The following INPP4B variants were observed in gnomAD, a reference collection of about 807,000 sequenced individuals.
INPP4B encodes inositol polyphosphate 4-phosphatase type II.
A neutral mutation model predicts 122.5 loss-of-function variants in INPP4B; 55 were observed. That is an observed-to-expected ratio of 0.45 (90% CI 0.36 to 0.56). INPP4B has a LOEUF of 0.56. Among genes scored for constraint, INPP4B ranks in the 20% least tolerant of loss-of-function variants. INPP4B has a pLI of 0.00. For missense variants in INPP4B, 1,000 were observed against 1,097.7 expected, an observed-to-expected ratio of 0.91 and a Z score of 1.26; for synonymous variants, 403 against 388.7, an observed-to-expected ratio of 1.04 and a Z score of -0.43.
At chr4:142,117,422 T>C (rs572296338) in intron 21 of INPP4B, among the ~76,000 whole-genome samples, 8 of 152,288 alleles carry the variant, frequency 5.3e-5, no homozygotes, top group Admixed American at 5.2e-4. Flanking sequence ...AATAAAATAC[T>C]GGCAAACCGA....
intron 12 of INPP4B, among the ~76,000 whole-genome samples, chr4:142,222,669 T>C (rs1423852267): frequency 6.6e-6 from 1 of 152,214 alleles, no homozygotes; most frequent in African/African-American, 2.4e-5. Flanking sequence ...TCCTAACTAA[T>C]CTGAAGCCTG....
intron 2 of INPP4B, among the ~76,000 whole-genome samples, chr4:142,554,898 C>A (rs67311549): frequency 6.6e-6 from 1 of 151,976 alleles, no homozygotes; most frequent in Non-Finnish European, 1.5e-5. Flanking sequence ...TGAGCTTCAG[C>A]GGATGCTATT....
chr4:142,174,760 G>A (rs987948150), intron 15 of INPP4B, among the ~76,000 whole-genome samples: 7 of 151,792 alleles, frequency 4.6e-5, no homozygotes, highest in Non-Finnish European at 8.8e-5. Context: ...GAGTAGCTGG[G>A]ACTACAGGTA....
intron 11 of INPP4B, among the ~76,000 whole-genome samples, chr4:142,255,345 C>T (rs1735223791): frequency 6.6e-6 from 1 of 151,654 alleles, no homozygotes; most frequent in African/African-American, 2.4e-5. Flanking sequence ...ATCAAATTCA[C>T]ACATAACAAT....
chr4:142,322,707 T>A (rs772828238), intron 7 of INPP4B, among the ~76,000 whole-genome samples: 16 of 152,248 alleles, frequency 1.1e-4, no homozygotes, highest in Non-Finnish European at 1.8e-4. Flanking sequence ...GCAAGCCCAC[T>A]ACTATTTTAG....
chr4:142,092,140 G>A (rs897113350), intron 23 of INPP4B, among the ~76,000 whole-genome samples: 2 of 152,206 alleles, frequency 1.3e-5, no homozygotes, highest in African/African-American at 4.8e-5. Context: ...TGAAGCTCCT[G>A]AAGAGGAAAG....
At chr4:142,635,399 C>T (rs1021880844) in intron 2 of INPP4B, among the ~76,000 whole-genome samples, 2 of 152,178 alleles carry the variant, frequency 1.3e-5, no homozygotes, top group Non-Finnish European at 2.9e-5. Flanking sequence ...CATAAAGACA[C>T]ATGCACATTA....
intron 14 of INPP4B, among the ~76,000 whole-genome samples, chr4:142,193,565 T>G (rs1836898144): frequency 6.6e-6 from 1 of 152,096 alleles, no homozygotes. Context: ...ATGTTGAAAT[T>G]CAACAATAAC....
At chr4:142,260,710 A>G (rs1052937145) in intron 10 of INPP4B, 146 bp from the exon 11 acceptor site, 5 of 610,858 alleles carry the variant, frequency 8.2e-6, no homozygotes, top group Admixed American at 3.3e-5. Flanking sequence ...TTCTAGCTCT[A>G]TCTTTACTAC....
At chr4:142,782,288 C>T (rs1482940791) in intron 1 of INPP4B, among the ~76,000 whole-genome samples, 1 of 150,926 alleles carries the variant, frequency 6.6e-6, no homozygotes, top group Non-Finnish European at 1.5e-5. Context: ...CAATTTCATC[C>T]ATGTCCCTAC....
intron 10 of INPP4B, among the ~76,000 whole-genome samples, chr4:142,261,911 A>G (rs1214030685): frequency 6.6e-6 from 1 of 152,176 alleles, no homozygotes; most frequent in Admixed American, 6.6e-5. Flanking sequence ...TTGAGGTCCT[A>G]GTTGACTGAA....
At chr4:142,448,211 T>C (rs978206918) in intron 3 of INPP4B, among the ~76,000 whole-genome samples, 2 of 151,804 alleles carry the variant, frequency 1.3e-5, no homozygotes, top group Admixed American at 1.3e-4. Context: ...TGCGGGCTGA[T>C]GTCCAGGCAT....
chr4:142,576,108 G>T (rs530932161), intron 2 of INPP4B, among the ~76,000 whole-genome samples: 1 of 151,854 alleles, frequency 6.6e-6, no homozygotes, highest in Non-Finnish European at 1.5e-5. Context: ...TATCTACCTG[G>T]GGCTGATTCA....
intron 7 of INPP4B, among the ~76,000 whole-genome samples, chr4:142,358,542 C>T (rs1318379257): frequency 6.7e-6 from 1 of 150,330 alleles, no homozygotes; most frequent in African/African-American, 2.4e-5. Flanking sequence ...AATTTAGCTG[C>T]ATATTAGAAT....
At chr4:142,061,879 CACACACATATATATATATATATAT>C (rs1760877853) in intron 25 of INPP4B, among the ~76,000 whole-genome samples, 11 of 8,402 alleles carry the variant, frequency 1.3e-3, no homozygotes, top group African/African-American at 1.9e-3. Flanking sequence ...CACACACACA[CACACACATATATATATATATATAT>C]ATATATATAT....
In INPP4B at chr4:142,634,018, C is replaced by T. The variant is rs541912611; in HGVS notation, c.-191+91821G>A. 7.3e-5 allele frequency among the ~76,000 whole-genome samples: 11 copies of T among 150,530 alleles called. No homozygotes were observed. The East Asian group carries it at 2.2e-3, about 30-fold the overall frequency. ...TCCAGCCTGACCAACAGAGTAAGAC[C>T]ATGTCTCAGATAAAAAGGAGGGAGG... On this transcript the variant is annotated intron_variant, in intron 2 of 25. Transcript: ENST00000262992.
chr4:142,457,847 T>G (rs780794745), intron 3 of INPP4B, among the ~76,000 whole-genome samples: 105 of 152,256 alleles, frequency 6.9e-4, no homozygotes, highest in Non-Finnish European at 2.5e-4. Flanking sequence ...CCTCCCACCT[T>G]GGCCTCCCAA....
intron 2 of INPP4B, among the ~76,000 whole-genome samples, chr4:142,703,432 G>A (rs755325496): frequency 9.2e-5 from 14 of 152,084 alleles, no homozygotes; most frequent in Non-Finnish European, 1.8e-4. Context: ...CATTATGAGG[G>A]GCAGAGATGA....
At chr4:142,110,180 A>G (rs1477034696) in intron 22 of INPP4B, among the ~76,000 whole-genome samples, 1 of 152,110 alleles carries the variant, frequency 6.6e-6, no homozygotes, top group Non-Finnish European at 1.5e-5. Context: ...TTAAAGTTAA[A>G]TGAGATTATG....
Sources: gnomAD v4.1 joint callset for allele counts (sites outside exome capture counted in the v4.1 genomes callset) on GRCh38, gnomAD v4.1.1 for gene constraint, MANE v1.5 for transcripts, NCBI Gene and HGNC (gene_info 2026-07-23, HGNC 2026-07-21) for gene names.